Variants in LMO7 observed in about 807,000 individuals in gnomAD.
The protein encoded by LMO7 is LIM domain 7, also known as LIM domain only protein 7.
In LMO7, 120 loss-of-function variants were observed where a neutral mutation model predicts 206.5. That is an observed-to-expected ratio of 0.58 (90% CI 0.50 to 0.68). The LOEUF is 0.68. Among genes scored for constraint, LMO7 ranks in the 30% least tolerant of loss-of-function variants. The probability of loss-of-function intolerance (pLI) is 0.00; values close to 1 mark genes in which losing one functional copy is unlikely to be tolerated. For missense variants in LMO7, 1,959 were observed against 1,957.9 expected (o/e 1.00, Z -0.01); for synonymous variants, 706 against 681.5 (o/e 1.04, Z -0.56).
intron 3 of LMO7, among the ~76,000 whole-genome samples, chr13:75,735,520 G>C (rs2045730637): frequency 6.6e-6 from 1 of 152,148 alleles, no homozygotes; most frequent in Non-Finnish European, 1.5e-5. Flanking sequence ...GGAGAGCAGT[G>C]GGGTGATCTT....
chr13:75,664,794 C>T (rs1272518465), intron 1 of LMO7, among the ~76,000 whole-genome samples: 2 of 152,128 alleles, frequency 1.3e-5, no homozygotes, highest in African/African-American at 4.8e-5. Flanking sequence ...ACTAGAACTA[C>T]CAAGAAAAGT....
rs142196935 is a variant in LMO7 at position 75,725,761 on chromosome 13, C to G, written c.141-1268C>G. On this transcript the variant is annotated intron_variant, in intron 2 of 30. Coordinates refer to ENST00000377534, the MANE Select transcript of LMO7 (RefSeq NM_001306080.2). ...AGAATGGTATTATTAACTATATTAA[C>G]TAACTTGTCTAATGATCTTTGTGTG... is the stretch of plus-strand genomic sequence containing the variant. Among the ~76,000 whole-genome samples, 667 of 152,152 alleles carry G rather than the reference C, an allele frequency of 4.4e-3. 4 individuals are homozygous for G. The highest frequency in any genetic ancestry group is 0.014 in the African/African-American group (592 of 41,532).
rs747189494 is a variant in LMO7, at chr13:75,636,690, C to T, written c.33C>T (p.Cys11=). Residue 11 remains cysteine (C), a synonymous_variant, in exon 1 of 31, where the codon TGC becomes TGT. Coordinates refer to ENST00000377534, the MANE Select transcript of LMO7 (RefSeq NM_001306080.2). The stretch of plus-strand genomic sequence containing the variant: ...GGCTGGAGGAGGCAGAGGCCAACTG[C>T]TCCGTGGCGTTCGCTGAGGCTCAGA... MEGLEEAEAN[C]SVAFAEAQRW... is the part of the protein sequence containing the mutation. 8 of 1,609,760 alleles carry T rather than the reference C, an allele frequency of 5.0e-6. No individual in the cohort carries two copies. The African/African-American group carries it at 8.0e-5, about 16-fold the overall frequency.
intron 3 of LMO7, among the ~76,000 whole-genome samples, chr13:75,737,651 GC>G (rs1229844061): frequency 6.9e-6 from 1 of 144,428 alleles, no homozygotes; most frequent in Non-Finnish European, 1.5e-5. Context: ...TACTCGGGAG[GC>G]TGAGGCAGGA....
chr13:75,790,974 T>C (rs1448366615), intron 4 of LMO7, among the ~76,000 whole-genome samples: 1 of 145,192 alleles, frequency 6.9e-6, no homozygotes, highest in African/African-American at 2.6e-5. Context: ...TAATATTTCA[T>C]ATCTACCCCT....
At position 75,621,801 on chromosome 13, in the gene LMO7, G is replaced by A; in HGVS notation, c.108G>A (p.Leu36=). The change falls in exon 1 of 30, where the codon CTG becomes CTA. Residue 36 remains leucine (L), a synonymous_variant. Coordinates refer to the LMO7 transcript ENST00000341547. Reference sequence around the variant, plus strand: ...GAGCTCTGGAAATTTGGAGGCAACTGATATGTGCTCATGTCTGCATCTGTG... The same window carrying A: ...GAGCTCTGGAAATTTGGAGGCAACTAATATGTGCTCATGTCTGCATCTGTG... 5 of 1,613,224 alleles carry A rather than the reference G, an allele frequency of 3.1e-6. No homozygotes were observed. The South Asian group carries it at 5.5e-5, about 18-fold the overall frequency.
chr13:75,854,934 G>A (rs1306287423), intron 28 of LMO7: 4 of 188,390 alleles, frequency 2.1e-5, no homozygotes, highest in East Asian at 2.6e-4. Flanking sequence ...GAAGATGTAG[G>A]TGGATGAGAT....
chr13:75,842,516 T>C (rs1312313900), intron 24 of LMO7, among the ~76,000 whole-genome samples: 1 of 152,194 alleles, frequency 6.6e-6, no homozygotes, highest in Non-Finnish European at 1.5e-5. Context: ...ATTTATTTGT[T>C]TATCTGTTAG....
At chr13:75,674,730 C>T (rs1031142267) in intron 1 of LMO7, among the ~76,000 whole-genome samples, 3 of 152,168 alleles carry the variant, frequency 2.0e-5, no homozygotes, top group African/African-American at 7.2e-5. Flanking sequence ...CACAAAATTA[C>T]AGTGGAATAC....
At position 75,812,690 on chromosome 13, in the gene LMO7, T is replaced by G. The variant is rs759001990; in HGVS notation, c.1946+3507T>G. ...CAACCTTGTTTTATGATTGACACCT[T>G]CTTCCTTAAAGTTCCTCTTTTTCCT... On this transcript the variant is annotated intron_variant, in intron 11 of 30. Transcript: ENST00000377534. Among the ~76,000 whole-genome samples the G allele has an allele frequency of 1.1e-4, 16 of 152,108 alleles. 1 individual carries two copies. Among genetic ancestry groups the G allele is most frequent in the Non-Finnish European group, 2.4e-4 (16 of 68,014 alleles).
At chr13:75,746,167 A>G (rs894319837) in intron 3 of LMO7, among the ~76,000 whole-genome samples, 1 of 152,132 alleles carries the variant, frequency 6.6e-6, no homozygotes, top group Non-Finnish European at 1.5e-5. Flanking sequence ...CCAGTAGTTT[A>G]TTGAGTTAAT....
chr13:75,786,997 T>G (rs188335055), intron 4 of LMO7, among the ~76,000 whole-genome samples: 40 of 152,320 alleles, frequency 2.6e-4, no homozygotes, highest in Admixed American at 5.2e-4. Flanking sequence ...TGGGATCTGT[T>G]TAAGTCCTAC....
intron 4 of LMO7, among the ~76,000 whole-genome samples, chr13:75,762,960 A>G (rs936024611): frequency 3.3e-5 from 5 of 152,218 alleles, no homozygotes; most frequent in Admixed American, 6.5e-5. Context: ...GCCCTGAGAT[A>G]GCACTTTTAG....
intron 1 of LMO7, among the ~76,000 whole-genome samples, chr13:75,677,484 A>G (rs553699649): frequency 6.6e-6 from 1 of 152,358 alleles, no homozygotes; most frequent in African/African-American, 2.4e-5. Flanking sequence ...TAGCGAAAAT[A>G]TCAGACAAAT....
intron 1 of LMO7, among the ~76,000 whole-genome samples, chr13:75,712,099 G>T (rs2043172659): frequency 6.6e-6 from 1 of 152,168 alleles, no homozygotes; most frequent in Non-Finnish European, 1.5e-5. Flanking sequence ...GCAGAATGAA[G>T]ATACATAGGG....
At chr13:75,714,836 G>T (rs9544033) in intron 2 of LMO7, among the ~76,000 whole-genome samples, 1 of 151,778 alleles carries the variant, frequency 6.6e-6, no homozygotes, top group Non-Finnish European at 1.5e-5. Context: ...TTGCCTATTA[G>T]AAAGAGGCAT....
At chr13:75,843,305 C>T (rs938995663) in intron 25 of LMO7, among the ~76,000 whole-genome samples, 6 of 152,034 alleles carry the variant, frequency 3.9e-5, no homozygotes, top group Non-Finnish European at 7.4e-5. Context: ...CTTATGTATA[C>T]GTGGTGGTGA....
At chr13:75,766,194 C>A (rs2048845076) in intron 4 of LMO7, among the ~76,000 whole-genome samples, 3 of 148,232 alleles carry the variant, frequency 2.0e-5, no homozygotes, top group South Asian at 4.3e-4. Flanking sequence ...CTTAATCCAA[C>A]TTTTAAAATT....
At chr13:75,817,765 G>C (rs1390480031) in intron 12 of LMO7, among the ~76,000 whole-genome samples, 1 of 152,132 alleles carries the variant, frequency 6.6e-6, no homozygotes, top group Non-Finnish European at 1.5e-5. Flanking sequence ...GCAATATTTT[G>C]GCTGAAGAAG....
Sources: allele counts gnomAD v4.1 joint callset (sites outside exome capture counted in the v4.1 genomes callset), GRCh38; gene constraint gnomAD v4.1.1; transcripts MANE v1.5; gene names NCBI Gene and HGNC (gene_info 2026-07-23, HGNC 2026-07-21).